Variants in GPN1 observed in about 807,000 individuals in gnomAD.
The protein encoded by GPN1 is GPN-loop GTPase 1.
GPN1 carries 44 observed loss-of-function variants against 55.9 expected under a neutral mutation model. The observed-to-expected ratio is 0.79, with a 90% CI of 0.62 to 1.01. GPN1 has a LOEUF of 1.01. Among genes scored for constraint, GPN1 ranks in the 50% least tolerant of loss-of-function variants. The pLI, the probability that GPN1 is intolerant of heterozygous loss-of-function variation, is 0.00. For synonymous variants in GPN1, 179 were observed against 162.5 expected (o/e 1.10, Z -0.77); for missense variants, 466 against 462.8 (o/e 1.01, Z -0.06).
intron 4 of GPN1, among the ~76,000 whole-genome samples, chr2:27,632,178 G>T (rs773368371): frequency 6.6e-6 from 1 of 152,188 alleles, no homozygotes; most frequent in African/African-American, 2.4e-5. Context: ...AGCTGGGATG[G>T]GGGTATTTGG....
At chr2:27,638,548 A>C (rs1415360125) in intron 8 of GPN1, among the ~76,000 whole-genome samples, 1 of 152,206 alleles carries the variant, frequency 6.6e-6, no homozygotes, top group Non-Finnish European at 1.5e-5. Context: ...AGTCTACTGG[A>C]AGTGGCAATT....
At chr2:27,639,981 A>G in intron 9 of GPN1, 62 bp from the exon 10 acceptor site, 3 of 1,064,842 alleles carry the variant, frequency 2.8e-6, no homozygotes, top group African/African-American at 3.1e-5. Flanking sequence ...AAACAAGTTA[A>G]TGTACTTCAT....
At chr2:27,628,754 G>A, upstream of GPN1, 3 of 1,545,666 alleles carry the variant, frequency 1.9e-6, no homozygotes, top group Non-Finnish European at 2.6e-6. Flanking sequence ...CCCTGCCCTC[G>A]GGACCCCATC....
At chr2:27,628,660 GC>G (rs745744300), upstream of GPN1, 20 of 1,551,408 alleles carry the variant, frequency 1.3e-5, no homozygotes, top group Non-Finnish European at 1.7e-5. Context: ...ATAAGCCCGA[GC>G]AGCCGGTCCT....
chr2:27,635,164 A>T lies in GPN1; in HGVS notation c.454A>T (p.Ile152Phe). Residue 152 changes from isoleucine to phenylalanine, a missense_variant, in exon 7 of 14, where the codon ATC (isoleucine) becomes TTC (phenylalanine). Coordinates refer to ENST00000610189, the MANE Select transcript of GPN1 (RefSeq NM_007266.4). ...GGCATCCTCATTTCCAACAGTTGTCATCTATGTAATGGACACATCGAGAAG... is the reference window on the plus strand; with the variant it reads ...GGCATCCTCATTTCCAACAGTTGTCTTCTATGTAATGGACACATCGAGAAG... ...ALASSFPTVV[I>F]YVMDTSRSTN... 1 of 1,601,704 alleles carries T rather than the reference A, an allele frequency of 6.2e-7. No homozygotes were observed. Among genetic ancestry groups the T allele is most frequent in the Non-Finnish European group, 8.6e-7 (1 of 1,169,438 alleles).
In GPN1 at chr2:27,641,258, T is replaced by A. The variant is rs1166863747; in HGVS notation, c.819T>A (p.Tyr273Ter). The change falls in exon 11 of 14, where the codon TAT (tyrosine) becomes TAA (stop). Residue 273 changes from tyrosine (Y) to a stop codon, truncating the protein, a stop_gained. Coordinates refer to ENST00000610189, the MANE Select transcript of GPN1 (RefSeq NM_007266.4). LOFTEE classifies it high-confidence loss of function. ...TTTACAGGGAGTATCGTCCTGAATA[T>A]GAACGTCTGAAAAAATCACTGGTAA... ...EEYEREYRPE[Y>*]ERLKKSLANA... is the part of the protein sequence containing the mutation. The A allele has an allele frequency of 1.2e-6, 2 of 1,609,762 alleles. No individual in the cohort carries two copies. Among genetic ancestry groups the A allele is most frequent in the Non-Finnish European group, 1.7e-6 (2 of 1,176,372 alleles).
At chr2:27,629,468 T>A (rs1446707680) in intron 1 of GPN1, 1 of 1,383,226 alleles carries the variant, frequency 7.2e-7, no homozygotes, top group Non-Finnish European at 1.0e-6. Context: ...CTTTAAAGAT[T>A]AATACAGTGC....
upstream of GPN1, chr2:27,628,314 C>G: frequency 7.5e-7 from 1 of 1,331,924 alleles, no homozygotes; most frequent in Non-Finnish European, 1.0e-6. Context: ...ATTTTCTAGG[C>G]TCTTTCATCA....
intron 3 of GPN1, 97 bp from the exon 4 acceptor site, chr2:27,631,737 A>T (rs1436523989): frequency 1.3e-6 from 1 of 790,342 alleles, no homozygotes; most frequent in Non-Finnish European, 2.3e-6. Flanking sequence ...CATTAATGGA[A>T]CACTAATTTC....
chr2:27,635,066 A>G (rs1290331683), intron 6 of GPN1, 74 bp from the exon 7 acceptor site: 7 of 1,050,726 alleles, frequency 6.7e-6, no homozygotes, highest in Non-Finnish European at 1.0e-5. Flanking sequence ...TCCCTTGTTA[A>G]GGATGGTGGA....
intron 13 of GPN1, among the ~76,000 whole-genome samples, chr2:27,649,686 T>C: frequency 6.6e-6 from 1 of 152,170 alleles, no homozygotes; most frequent in East Asian, 1.9e-4. Flanking sequence ...CTCCATGTTG[T>C]TGCATGTATC....
rs544530663 is a variant in GPN1 at position 27,642,970 on chromosome 2, C to T, written c.931+451C>T. Among the ~76,000 whole-genome samples, 809 of 150,818 alleles carry T rather than the reference C, an allele frequency of 5.4e-3. 4 individuals are homozygous for T. The highest frequency in any genetic ancestry group is 6.8e-3 in the Admixed American group (103 of 15,116). ...ATATATATATATATACACACACACACACACACACACACACACACACACACA... is the reference window on the plus strand; with the variant it reads ...ATATATATATATATACACACACACATACACACACACACACACACACACACA... On this transcript the variant is annotated intron_variant, in intron 12 of 13. Transcript: ENST00000610189.
At chr2:27,637,148 T>TG (rs1410536268) in intron 7 of GPN1, among the ~76,000 whole-genome samples, 7 of 152,188 alleles carry the variant, frequency 4.6e-5, no homozygotes, top group African/African-American at 1.7e-4. Context: ...TACTGTTGAT[T>TG]GGAAACCTTG....
At chr2:27,631,792 A>G (rs1317412276) in intron 3 of GPN1, 42 bp from the exon 4 acceptor site, 1 of 1,162,056 alleles carries the variant, frequency 8.6e-7, no homozygotes. Flanking sequence ...GAACTTTATA[A>G]TCTAATCTAT....
chr2:27,647,839 G>T lies in GPN1; in HGVS notation c.935G>T (p.Ser312Ile), dbSNP rs1674313131. 4 of 1,601,010 alleles carry T rather than the reference G, an allele frequency of 2.5e-6. No homozygotes were observed. Among genetic ancestry groups the T allele is most frequent in the Non-Finnish European group, 3.4e-6 (4 of 1,168,184 alleles). ...CTGATAGGTGTTTTCACTGTAGACA[G>T]CTTATCTCCTGTGCTGCACCCTTCT... Reference protein sequence around the residue: ...VALDAGTAKDSLSPVLHPSDL... With the variant: ...VALDAGTAKDILSPVLHPSDL... Residue 312 changes from serine to isoleucine, a missense_variant, in exon 13 of 14, where the codon AGC becomes ATC. Transcript: ENST00000610189.
At chr2:27,636,572 G>A (rs1673739702) in intron 7 of GPN1, among the ~76,000 whole-genome samples, 1 of 151,996 alleles carries the variant, frequency 6.6e-6, no homozygotes, top group African/African-American at 2.4e-5. Flanking sequence ...TCACCGTACT[G>A]CAATTTCCGC....
At position 27,647,937 on chromosome 2, in the gene GPN1, C is replaced by A; in HGVS notation, c.1033C>A (p.His345Asn). ...AGACAGCGATACTGATGACATTGAC[C>A]ACAGAGGTGAGAGGTGGCTGAGGTG... ...EADSDTDDIDHRVTEESHEEP... is the reference protein window; with the variant it reads ...EADSDTDDIDNRVTEESHEEP... The change falls in exon 13 of 14, where the codon CAC (histidine) becomes AAC (asparagine). Residue 345 changes from histidine (H) to asparagine (N), a missense_variant. Transcript: ENST00000610189. 6.3e-7 allele frequency: 1 copy of A among 1,596,136 alleles called. No homozygotes were observed. Among genetic ancestry groups the A allele is most frequent in the Non-Finnish European group, 8.6e-7 (1 of 1,163,678 alleles).
chr2:27,637,242 A>C (rs1219407441), intron 7 of GPN1, among the ~76,000 whole-genome samples: 1 of 152,172 alleles, frequency 6.6e-6, no homozygotes, highest in Non-Finnish European at 1.5e-5. Flanking sequence ...AAGCTAGAGA[A>C]AATAAGGGGA....
At chr2:27,628,676 T>C, upstream of GPN1, 1 of 1,551,586 alleles carries the variant, frequency 6.4e-7, no homozygotes, top group Non-Finnish European at 8.7e-7. Flanking sequence ...GGTCCTCCAG[T>C]GGCTCCGCTC....
Sources: gnomAD v4.1 joint callset for allele counts (sites outside exome capture counted in the v4.1 genomes callset) on GRCh38, gnomAD v4.1.1 for gene constraint, MANE v1.5 for transcripts, NCBI Gene and HGNC (gene_info 2026-07-23, HGNC 2026-07-21) for gene names.